Variants in KSR2 observed in about 807,000 individuals in gnomAD.
KSR2 encodes kinase suppressor of ras 2.
KSR2 carries 25 observed loss-of-function variants against 107.8 expected under a neutral mutation model. The observed-to-expected ratio is 0.23, with a 90% CI of 0.17 to 0.32. The LOEUF (loss-of-function observed/expected upper bound fraction) is 0.32. Among genes scored for constraint, KSR2 ranks in the 10% least tolerant of loss-of-function variants. The probability of loss-of-function intolerance (pLI) is 1.00; values close to 1 mark genes in which losing one functional copy is unlikely to be tolerated. For synonymous variants in KSR2, 480 were observed against 507.0 expected (o/e 0.95, Z 0.71); for missense variants, 887 against 1,268.9 (o/e 0.70, Z 4.57).
chr12:117,831,141 T>C (rs1354009655), intron 3 of KSR2, among the ~76,000 whole-genome samples: 1 of 152,186 alleles, frequency 6.6e-6, no homozygotes, highest in African/African-American at 2.4e-5. Flanking sequence ...TCATGTCTGT[T>C]CGGGCAGAAC....
intron 17 of KSR2, among the ~76,000 whole-genome samples, chr12:117,475,971 C>T (rs1410223683): frequency 6.6e-6 from 1 of 152,192 alleles, no homozygotes; most frequent in Admixed American, 6.5e-5. Context: ...CCCCAGCCTG[C>T]TGAGCCTTCA....
At chr12:117,721,729 T>C (rs1437939921) in intron 4 of KSR2, among the ~76,000 whole-genome samples, 1 of 152,204 alleles carries the variant, frequency 6.6e-6, no homozygotes, top group African/African-American at 2.4e-5. Flanking sequence ...CCTAGGGGTG[T>C]CTACAAGAAA....
intron 3 of KSR2, among the ~76,000 whole-genome samples, chr12:117,764,620 G>A (rs1168596103): frequency 2.0e-5 from 3 of 152,212 alleles, no homozygotes; most frequent in East Asian, 1.9e-4. Context: ...AGGCTTGCCA[G>A]AAGAACACTC....
chr12:117,605,607 G>A (rs991089806), intron 5 of KSR2, among the ~76,000 whole-genome samples: 1 of 151,970 alleles, frequency 6.6e-6, no homozygotes, highest in Non-Finnish European at 1.5e-5. Context: ...CCATGACCCA[G>A]CAATCCCATT....
chr12:117,545,907 C>T (rs1876834310), intron 9 of KSR2, among the ~76,000 whole-genome samples: 1 of 152,108 alleles, frequency 6.6e-6, no homozygotes, highest in African/African-American at 2.4e-5. Flanking sequence ...TCCTTTATGT[C>T]CTTACCCTCC....
chr12:117,844,470 C>G lies in KSR2; in HGVS notation c.472+10958G>C, dbSNP rs71452621. Reference sequence around the variant, plus strand: ...ACTTGCTGAGATGCTGAAATTCCCTCCTCTTCTGAGTATTTTTTTTTTTTT... The same window carrying G: ...ACTTGCTGAGATGCTGAAATTCCCTGCTCTTCTGAGTATTTTTTTTTTTTT... On this transcript the variant is annotated intron_variant, in intron 3 of 19. Transcript: ENST00000339824. Among the ~76,000 whole-genome samples the G allele has an allele frequency of 7.2e-3, 533 of 73,604 alleles. 3 individuals are homozygous for G. Among genetic ancestry groups the G allele is most frequent in the Non-Finnish European group, 0.012 (414 of 35,220 alleles). The allele number at this position is 73,604 out of a possible 152,430, so 48.3% of individuals were successfully genotyped here.
chr12:117,478,063 G>C (rs1054286027), intron 16 of KSR2, among the ~76,000 whole-genome samples: 6 of 152,126 alleles, frequency 3.9e-5, no homozygotes, highest in African/African-American at 1.4e-4. Context: ...TAACACAGGG[G>C]AAGGGAGCAG....
chr12:117,966,510 C>G (rs1381622723), intron 1 of KSR2, among the ~76,000 whole-genome samples: 1 of 152,004 alleles, frequency 6.6e-6, no homozygotes, highest in African/African-American at 2.4e-5. Context: ...TACACCTTGA[C>G]ATTGATCTTA....
At chr12:117,607,031 G>A (rs1196368948) in intron 5 of KSR2, among the ~76,000 whole-genome samples, 1 of 152,088 alleles carries the variant, frequency 6.6e-6, no homozygotes, top group East Asian at 1.9e-4. Flanking sequence ...GTAGGTGATG[G>A]GACCATGTGT....
chr12:117,469,545 G>T (rs971924751), intron 19 of KSR2, 117 bp downstream of exon 19: 2 of 1,224,068 alleles, frequency 1.6e-6, no homozygotes, highest in Admixed American at 2.2e-5. Flanking sequence ...GCCGAAGGGT[G>T]GGCACATGGA....
chr12:117,717,666 G>GGTGTGTGTGT (rs55910019), intron 4 of KSR2, among the ~76,000 whole-genome samples: 21 of 144,476 alleles, frequency 1.5e-4, no homozygotes, highest in South Asian at 7.0e-4. Flanking sequence ...GGGGCAGACA[G>GGTGTGTGTGT]GTGTGTGTGT....
intron 9 of KSR2, among the ~76,000 whole-genome samples, chr12:117,540,474 G>A (rs1251852652): frequency 4.6e-5 from 7 of 152,306 alleles, no homozygotes; most frequent in South Asian, 4.2e-4. Flanking sequence ...CCCAAAAGAC[G>A]TCCACCCAGG....
intron 1 of KSR2, among the ~76,000 whole-genome samples, chr12:117,892,560 C>A (rs1894377626): frequency 6.6e-6 from 1 of 151,988 alleles, no homozygotes; most frequent in Non-Finnish European, 1.5e-5. Flanking sequence ...TACCAAAAGT[C>A]AGCAAACTAC....
chr12:117,652,638 C>T (rs1421287467), intron 5 of KSR2, among the ~76,000 whole-genome samples: 1 of 152,166 alleles, frequency 6.6e-6, no homozygotes, highest in Admixed American at 6.5e-5. Context: ...TTCTCCCATC[C>T]TTCCCCAAGG....
chr12:117,677,250 C>T (rs1240467854), intron 4 of KSR2: 1 of 152,110 alleles, frequency 6.6e-6, no homozygotes, highest in African/African-American at 2.4e-5. Context: ...TGTTGAAGTC[C>T]TAACCCCTAG....
In KSR2 at chr12:117,531,033, C is replaced by T. The variant is rs755765766; in HGVS notation, c.1730-20G>A. 3 of 1,609,488 alleles carry T rather than the reference C, an allele frequency of 1.9e-6. No homozygotes were observed. In the South Asian group the frequency reaches 3.3e-5, roughly 18 times the overall value. On this transcript the variant is annotated intron_variant, in intron 11 of 19. Transcript: ENST00000339824. ...CCACATCTGAAAACCAGAGATTGAA[C>T]ACTCAGAAAAAAAATGTGAAGTCCA...
chr12:117,876,383 G>A (rs537633079), intron 1 of KSR2, among the ~76,000 whole-genome samples: 2 of 152,306 alleles, frequency 1.3e-5, no homozygotes, highest in Non-Finnish European at 2.9e-5. Flanking sequence ...GATCCCTGAG[G>A]CCAGGCAGAG....
chr12:117,558,061 T>C (rs1877829423), intron 8 of KSR2, among the ~76,000 whole-genome samples: 1 of 152,112 alleles, frequency 6.6e-6, no homozygotes, highest in South Asian at 2.1e-4. Flanking sequence ...GGGACACAAA[T>C]GGCCCAATCC....
chr12:117,947,206 A>AAGAAAGG (rs1896215799), intron 1 of KSR2, among the ~76,000 whole-genome samples: 2 of 10,386 alleles, frequency 1.9e-4, no homozygotes, highest in Non-Finnish European at 3.7e-4. Context: ...AAAAGAAAGA[A>AAGAAAGG]AAGAAAGAAA....
Sources: allele counts gnomAD v4.1 joint callset (sites outside exome capture counted in the v4.1 genomes callset), GRCh38; gene constraint gnomAD v4.1.1; transcripts MANE v1.5; gene names NCBI Gene and HGNC (gene_info 2026-07-23, HGNC 2026-07-21).